The following DCC variants were observed in gnomAD, a reference collection of about 807,000 sequenced individuals.
DCC encodes the protein DCC netrin 1 receptor, also known as netrin receptor DCC.
A neutral mutation model predicts 172.5 loss-of-function variants in DCC; 58 were observed. The observed-to-expected ratio is 0.34, with a 90% CI of 0.27 to 0.42. The LOEUF (loss-of-function observed/expected upper bound fraction) is 0.42. Ranked by LOEUF, DCC falls within the 10% of genes least tolerant of loss-of-function variation. DCC has a pLI of 1.00. For synonymous variants in DCC, 709 were observed against 644.5 expected, an observed-to-expected ratio of 1.10 and a Z score of -1.52; for missense variants, 1,740 against 1,791.0, an observed-to-expected ratio of 0.97 and a Z score of 0.51.
intron 24 of DCC, among the ~76,000 whole-genome samples, chr18:53,462,612 T>C (rs1299865787): frequency 6.6e-6 from 1 of 152,026 alleles, no homozygotes; most frequent in Non-Finnish European, 1.5e-5. Context: ...AAAGGTAATA[T>C]ACTTGAATCA....
At chr18:52,373,973 C>T (rs1467355723) in intron 1 of DCC, among the ~76,000 whole-genome samples, 1 of 148,810 alleles carries the variant, frequency 6.7e-6, no homozygotes, top group Non-Finnish European at 1.5e-5. Flanking sequence ...CTCACTGCAA[C>T]CTCTGCCTCC....
chr18:52,568,670 C>T lies in DCC; in HGVS notation c.92-183384C>T, dbSNP rs191829643. ...TGAGTTTCATATGTTTACTATATGT[C>T]ACTATGTGTGTGTGCTTACACACAC... On this transcript the variant is annotated intron_variant, in intron 1 of 28. Coordinates refer to ENST00000442544, the MANE Select transcript of DCC (RefSeq NM_005215.4). Among the ~76,000 whole-genome samples the T allele has an allele frequency of 1.8e-3, 277 of 151,976 alleles. 3 individuals carry two copies. The highest frequency in any genetic ancestry group is 6.1e-3 in the African/African-American group (252 of 41,466).
Position 52,906,219 on chromosome 18 carries a change from A to G in DCC, c.588A>G (p.Ala196=), listed in dbSNP as rs2039879550. Residue 196 remains alanine (A), a synonymous_variant, in exon 3 of 29, where the codon GCA becomes GCG. Coordinates refer to ENST00000442544, the MANE Select transcript of DCC (RefSeq NM_005215.4). ...DSRVVVLPSG[A]LQISRLQPGD... The stretch of plus-strand genomic sequence containing the variant: ...GAGTGGTGGTCTTGCCCTCTGGAGC[A>G]TTGCAGATCAGCCGACTCCAACCGG... 2 of 1,613,952 alleles carry G rather than the reference A, an allele frequency of 1.2e-6. No homozygotes were observed. Among genetic ancestry groups the G allele is most frequent in the South Asian group, 1.1e-5 (1 of 91,072 alleles).
At chr18:52,831,758 C>T (rs979401842) in intron 2 of DCC, among the ~76,000 whole-genome samples, 2 of 152,036 alleles carry the variant, frequency 1.3e-5, no homozygotes, top group African/African-American at 4.8e-5. Flanking sequence ...GAAGATGTTG[C>T]CTTGGCAGAT....
At chr18:53,153,472 G>A (rs1296404671) in intron 7 of DCC, among the ~76,000 whole-genome samples, 1 of 152,026 alleles carries the variant, frequency 6.6e-6, no homozygotes, top group Non-Finnish European at 1.5e-5. Context: ...TCAACTGAGA[G>A]CCTGTGAGAG....
intron 13 of DCC, among the ~76,000 whole-genome samples, chr18:53,318,555 T>G (rs551578667): frequency 6.6e-6 from 1 of 152,298 alleles, no homozygotes; most frequent in East Asian, 1.9e-4. Context: ...TTCTGTCTCA[T>G]TGATCTGTCT....
intron 1 of DCC, among the ~76,000 whole-genome samples, chr18:52,357,894 C>T (rs1051855704): frequency 4.7e-5 from 7 of 148,330 alleles, no homozygotes; most frequent in Admixed American, 1.4e-4. Context: ...GCTGAGATCG[C>T]GCCACTGCAC....
intron 1 of DCC, among the ~76,000 whole-genome samples, chr18:52,610,121 C>T (rs2034220833): frequency 7.9e-6 from 1 of 125,884 alleles, no homozygotes; most frequent in South Asian, 2.6e-4. Context: ...CTAGACCAAC[C>T]TGGCCAACAT....
intron 3 of DCC, among the ~76,000 whole-genome samples, chr18:52,915,539 A>G (rs1483116025): frequency 6.6e-6 from 1 of 152,118 alleles, no homozygotes; most frequent in Non-Finnish European, 1.5e-5. Flanking sequence ...CCTTTAATAC[A>G]TCTTCCCTTC....
At chr18:52,385,341 T>A (rs888223732) in intron 1 of DCC, among the ~76,000 whole-genome samples, 4 of 151,572 alleles carry the variant, frequency 2.6e-5, no homozygotes, top group African/African-American at 9.8e-5. Flanking sequence ...AGTGGCATGA[T>A]CTCAGCTCAC....
At chr18:53,164,408 G>A (rs1055194852) in intron 8 of DCC, among the ~76,000 whole-genome samples, 1 of 152,080 alleles carries the variant, frequency 6.6e-6, no homozygotes, top group African/African-American at 2.4e-5. Context: ...GCCATGCCTG[G>A]CTAAGTTTTT....
At chr18:52,525,012 C>T (rs1167606572) in intron 1 of DCC, among the ~76,000 whole-genome samples, 1 of 151,994 alleles carries the variant, frequency 6.6e-6, no homozygotes, top group Admixed American at 6.6e-5. Context: ...GATTTTGCTT[C>T]TTATCTTTAA....
At chr18:52,377,302 GAAGCATGGCCAGTTGGTCTTTTTCT>G (rs1985390810) in intron 1 of DCC, among the ~76,000 whole-genome samples, 2 of 152,172 alleles carry the variant, frequency 1.3e-5, no homozygotes, top group South Asian at 4.1e-4. Context: ...GGATCACTTA[GAAGCATGGCCAGTTGGTCTTTTTCT>G]AATGGTGACA....
intron 15 of DCC, among the ~76,000 whole-genome samples, chr18:53,374,658 C>A (rs910610185): frequency 6.6e-6 from 1 of 152,092 alleles, no homozygotes; most frequent in Non-Finnish European, 1.5e-5. Context: ...CATATGCTAA[C>A]ATACTATGAT....
intron 2 of DCC, among the ~76,000 whole-genome samples, chr18:52,833,909 C>T (rs561307736): frequency 2.4e-4 from 37 of 152,250 alleles, no homozygotes; most frequent in Admixed American, 2.0e-3. Context: ...AGCAATTCTC[C>T]GGCTTCGGCC....
rs71175582 is a variant in DCC at position 53,344,440 on chromosome 18, C to CTTT, written c.2359+4551_2359+4553dup. Among the ~76,000 whole-genome samples the CTTT allele has an allele frequency of 1.3e-3, 123 of 97,052 alleles. 1 individual carries two copies. The highest frequency in any genetic ancestry group is 3.3e-3 in the African/African-American group (80 of 24,288). 63.7% of individuals were successfully genotyped at this position (97,052 alleles called of 152,430 possible). A position where few individuals can be genotyped will look rare whatever the true frequency, so the allele number is the denominator to read the frequency against. ...TTTTCTTTTCTTTCTTTTCGTTTTT[C>CTTT]TTTTTTTTTTTTTTTTTTTTGAGCC... On this transcript the variant is annotated intron_variant, in intron 15 of 28. Transcript: ENST00000442544.
At chr18:52,650,047 C>T (rs574972210) in intron 1 of DCC, among the ~76,000 whole-genome samples, 3 of 143,000 alleles carry the variant, frequency 2.1e-5, no homozygotes, top group East Asian at 2.1e-4. Context: ...GGCACGATCT[C>T]GGCTCACCGC....
chr18:52,782,563 C>A (rs895885014), intron 2 of DCC, among the ~76,000 whole-genome samples: 1 of 152,132 alleles, frequency 6.6e-6, no homozygotes, highest in Non-Finnish European at 1.5e-5. Context: ...TACATACTCA[C>A]CCTTTCTAGC....
chr18:52,983,344 C>G (rs1483180257), intron 5 of DCC, among the ~76,000 whole-genome samples: 1 of 152,190 alleles, frequency 6.6e-6, no homozygotes, highest in Non-Finnish European at 1.5e-5. Flanking sequence ...GGCAGACCAA[C>G]ATGCTAATAT....
Sources: allele counts gnomAD v4.1 joint callset (sites outside exome capture counted in the v4.1 genomes callset), GRCh38; gene constraint gnomAD v4.1.1; transcripts MANE v1.5; gene names NCBI Gene and HGNC (gene_info 2026-07-23, HGNC 2026-07-21).